Variants in MAST4 observed in about 807,000 individuals in gnomAD.
The protein encoded by MAST4 is microtubule associated serine/threonine kinase family member 4.
A neutral mutation model predicts 162.7 loss-of-function variants in MAST4; 89 were observed. The ratio of observed to expected loss-of-function variants is 0.55; its 90% CI spans 0.46 to 0.65. MAST4 has a LOEUF of 0.65. Among genes scored for constraint, MAST4 ranks in the 30% least tolerant of loss-of-function variants. The probability of loss-of-function intolerance (pLI) is 0.00; values close to 1 mark genes in which losing one functional copy is unlikely to be tolerated. For missense variants in MAST4, 3,153 were observed against 3,374.0 expected (o/e 0.93, Z 1.62); for synonymous variants, 1,479 against 1,361.1 (o/e 1.09, Z -1.91).
intron 4 of MAST4, among the ~76,000 whole-genome samples, chr5:66,965,088 A>G (rs925715817): frequency 1.3e-5 from 2 of 151,658 alleles, no homozygotes; most frequent in Non-Finnish European, 2.9e-5. Context: ...CTTTAGTTCT[A>G]CTCTTCTGCT....
At chr5:66,787,808 T>C (rs1396899873) in intron 2 of MAST4, among the ~76,000 whole-genome samples, 1 of 152,222 alleles carries the variant, frequency 6.6e-6, no homozygotes, top group Non-Finnish European at 1.5e-5. Flanking sequence ...TAAATATTTA[T>C]TGAGCAGCTA....
chr5:66,817,857 A>C (rs1370699666), intron 3 of MAST4, among the ~76,000 whole-genome samples: 1 of 152,186 alleles, frequency 6.6e-6, no homozygotes, highest in East Asian at 1.9e-4. Flanking sequence ...AAAACTTGAG[A>C]TAGATTGTCT....
chr5:66,627,896 T>C (rs192695598), intron 1 of MAST4, among the ~76,000 whole-genome samples: 21 of 152,308 alleles, frequency 1.4e-4, no homozygotes, highest in Admixed American at 5.9e-4. Flanking sequence ...TTAAGTACCT[T>C]TCAGCTCCTC....
chr5:66,667,502 T>C (rs1334447538), intron 1 of MAST4, among the ~76,000 whole-genome samples: 1 of 152,198 alleles, frequency 6.6e-6, no homozygotes, highest in East Asian at 1.9e-4. Context: ...TCTCATCTTT[T>C]TATGTGGCCA....
rs748310997 is a variant in MAST4, at chr5:67,166,133, GA to G, written c.6957del (p.Lys2319AsnfsTer21). ...CAGGGCCTAGTGAGCCAGCGGACCA[GA>G]AACTGTCCGCTGTTGGTGAAAAGCA... is the stretch of plus-strand genomic sequence containing the variant. ...HPGPSEPADQKLSAVGEKQTL... is the reference protein window; with the variant it reads ...HPGPSEPADQXLSAVGEKQTL... On this transcript the variant is annotated frameshift_variant, in exon 29 of 29. Coordinates refer to ENST00000403625, the MANE Select transcript of MAST4 (RefSeq NM_001164664.2). LOFTEE classifies it low-confidence loss of function (END_TRUNC). The G allele has an allele frequency of 6.4e-5, 102 of 1,595,658 alleles. 2 individuals carry two copies. The South Asian group carries it at 1.1e-3, about 18-fold the overall frequency.
At chr5:67,093,877 G>A (rs999363538) in intron 6 of MAST4, among the ~76,000 whole-genome samples, 2 of 152,064 alleles carry the variant, frequency 1.3e-5, no homozygotes, top group African/African-American at 4.8e-5. Flanking sequence ...TCAAATTGGA[G>A]GTGTTTAAAA....
intron 4 of MAST4, among the ~76,000 whole-genome samples, chr5:67,010,484 G>C (rs941868537): frequency 4.6e-5 from 7 of 152,136 alleles, no homozygotes; most frequent in Non-Finnish European, 1.0e-4. Flanking sequence ...TGGAAAGAAA[G>C]AGCCCCCTAG....
intron 3 of MAST4, among the ~76,000 whole-genome samples, chr5:66,892,978 CT>C (rs1326468024): frequency 1.3e-5 from 2 of 152,156 alleles, no homozygotes; most frequent in Non-Finnish European, 2.9e-5. Context: ...GACTCGGAGA[CT>C]TTGTCTGTAT....
At chr5:66,916,808 AATTAT>A (rs1764148037) in intron 4 of MAST4, among the ~76,000 whole-genome samples, 1 of 152,184 alleles carries the variant, frequency 6.6e-6, no homozygotes, top group African/African-American at 2.4e-5. Context: ...TTATTTTAAT[AATTAT>A]ATTATGTTCT....
intron 5 of MAST4, among the ~76,000 whole-genome samples, chr5:67,067,970 C>T (rs1318966642): frequency 2.6e-5 from 4 of 152,256 alleles, no homozygotes; most frequent in Non-Finnish European, 4.4e-5. Flanking sequence ...TTCTAGGAAA[C>T]GGAGACCCAG....
intron 1 of MAST4, among the ~76,000 whole-genome samples, chr5:66,655,889 A>T (rs1467774623): frequency 6.6e-6 from 1 of 152,220 alleles, no homozygotes; most frequent in Non-Finnish European, 1.5e-5. Context: ...TAATATATTT[A>T]AAAAATTGCA....
At chr5:67,121,269 G>A (rs533803370) in intron 14 of MAST4, among the ~76,000 whole-genome samples, 167 bp downstream of exon 14, 1 of 152,116 alleles carries the variant, frequency 6.6e-6, no homozygotes, top group South Asian at 2.1e-4. Flanking sequence ...ACTTCTTACT[G>A]GACACCTCAT....
At chr5:66,711,542 G>A (rs1750495733) in intron 1 of MAST4, among the ~76,000 whole-genome samples, 1 of 152,102 alleles carries the variant, frequency 6.6e-6, no homozygotes, top group Non-Finnish European at 1.5e-5. Context: ...TCCTTAGAAA[G>A]ACGCTTTTGA....
intron 4 of MAST4, among the ~76,000 whole-genome samples, chr5:66,942,435 A>T (rs993526332): frequency 3.3e-5 from 5 of 152,112 alleles, no homozygotes; most frequent in African/African-American, 1.2e-4. Flanking sequence ...CTTCATGACC[A>T]CCTCCTTGGT....
chr5:66,869,880 A>T (rs463146), intron 3 of MAST4, among the ~76,000 whole-genome samples: 131,348 of 151,712 alleles, frequency 0.87, 57,175 homozygotes, highest in Non-Finnish European at 0.92. Context: ...TGCTTTCATC[A>T]ACCTTTCCCT....
chr5:66,989,165 C>G (rs533793572), intron 4 of MAST4, among the ~76,000 whole-genome samples: 6 of 152,208 alleles, frequency 3.9e-5, no homozygotes, highest in African/African-American at 1.4e-4. Context: ...TCAGATGGGG[C>G]TTCCAAAGGT....
rs1009623926 is a variant in MAST4 at position 66,611,779 on chromosome 5, C to A, written c.363+14761C>A. On this transcript the variant is annotated intron_variant, in intron 1 of 28. Coordinates refer to ENST00000403625, the MANE Select transcript of MAST4 (RefSeq NM_001164664.2). ...GTCTTGAATTGTTAAAATACTGTTA[C>A]CTGCAGTTTTTAGAAATTTATTTTG... Among the ~76,000 whole-genome samples the A allele has an allele frequency of 2.6e-5, 4 of 152,260 alleles. No individual in the cohort carries two copies. In the South Asian group the frequency reaches 8.3e-4, roughly 32 times the overall value.
intron 1 of MAST4, among the ~76,000 whole-genome samples, chr5:66,692,815 C>T (rs995931138): frequency 3.3e-5 from 5 of 151,954 alleles, no homozygotes; most frequent in Non-Finnish European, 5.9e-5. Context: ...TATACATACT[C>T]AAAGTATATA....
At chr5:66,743,928 G>C (rs1015734877) in intron 1 of MAST4, among the ~76,000 whole-genome samples, 3 of 152,156 alleles carry the variant, frequency 2.0e-5, no homozygotes, top group Admixed American at 2.0e-4. Flanking sequence ...TCGAGTGGAA[G>C]GGGGAGAGGG....
Sources: allele counts gnomAD v4.1 joint callset (sites outside exome capture counted in the v4.1 genomes callset), GRCh38; gene constraint gnomAD v4.1.1; transcripts MANE v1.5; gene names NCBI Gene and HGNC (gene_info 2026-07-23, HGNC 2026-07-21).